ATG7: variants seen among roughly 807,000 people sequenced by gnomAD.
ATG7 encodes autophagy related 7.
ATG7 carries 70 observed loss-of-function variants against 82.4 expected under a neutral mutation model. The ratio of observed to expected loss-of-function variants is 0.85; its 90% confidence interval spans 0.70 to 1.04. ATG7 has a LOEUF of 1.04. Among genes scored for constraint, ATG7 ranks in the 50% least tolerant of loss-of-function variants. The pLI is 0.00. For synonymous variants in ATG7, 287 were observed against 313.0 expected, an observed-to-expected ratio of 0.92 and a Z score of 0.88; for missense variants, 792 against 864.3, an observed-to-expected ratio of 0.92 and a Z score of 1.05.
rs773902113 is a variant in ATG7 at position 11,333,086 on chromosome 3, T to G, written c.882T>G (p.Phe294Leu). 6.4e-7 allele frequency: 1 copy of G among 1,552,772 alleles called. No individual in the cohort carries two copies. The highest frequency in any genetic ancestry group is 2.4e-5 in the East Asian group (1 of 41,506). ...IFEVKLPEMA[F>L]SPDCPKAVGW... ...AAGTGAAGCTTCCAGAAATGGCATT[T>G]AGCCCAGGTAATTTGCCGGTCTTTG... Residue 294 changes from phenylalanine (F) to leucine (L), a missense_variant, in exon 11 of 21, where the codon TTT becomes TTG. Coordinates refer to ENST00000693202, the MANE Select transcript of ATG7 (RefSeq NM_001349232.2).
intron 20 of ATG7, among the ~76,000 whole-genome samples, chr3:11,489,092 G>C (rs553428088): frequency 2.0e-5 from 3 of 152,148 alleles, no homozygotes; most frequent in African/African-American, 7.2e-5. Flanking sequence ...CCTGTTATTG[G>C]TCTATTCAGA....
chr3:11,427,038 C>A, intron 20 of ATG7, 112 bp downstream of exon 20: 1 of 1,290,552 alleles, frequency 7.7e-7, no homozygotes, highest in Non-Finnish European at 1.0e-6. Flanking sequence ...TAACTTAGAG[C>A]AAATATCACT....
At chr3:11,498,998 G>A (rs2091098844) in intron 20 of ATG7, among the ~76,000 whole-genome samples, 1 of 152,182 alleles carries the variant, frequency 6.6e-6, no homozygotes, top group Admixed American at 6.5e-5. Flanking sequence ...TAGAGTCTCA[G>A]GAATTACTCC....
chr3:11,558,461 A>AC, downstream of ATG7: 88 of 568,468 alleles, frequency 1.5e-4, no homozygotes, highest in South Asian at 2.2e-4. Context: ...CCTTCCCCCC[A>AC]CCCCACCCCC....
rs915946270 is a variant in ATG7, at chr3:11,426,850, T to C, written c.2003T>C (p.Val668Ala). 6 of 1,611,828 alleles carry C rather than the reference T, an allele frequency of 3.7e-6. No homozygotes were observed. Among genetic ancestry groups the C allele is most frequent in the Non-Finnish European group, 5.1e-6 (6 of 1,179,020 alleles). ...GAAGGATTTAACTTCCTAGCCAAGG[T>C]GTTTAATTCTTCACATTCCTTCTTA... ...EREGFNFLAK[V>A]FNSSHSFLED... The change falls in exon 20 of 21, where the codon GTG becomes GCG. Residue 668 changes from valine to alanine, a missense_variant. Physicochemically the swap from Val to Ala is moderately conservative, Grantham distance 64. Transcript: ENST00000693202.
intron 9 of ATG7, among the ~76,000 whole-genome samples, chr3:11,316,102 C>G (rs1231308442): frequency 6.6e-6 from 1 of 152,030 alleles, no homozygotes. Context: ...ATTTTTATTC[C>G]CAGAACTACC....
intron 11 of ATG7, among the ~76,000 whole-genome samples, chr3:11,336,740 A>C (rs1198791267): frequency 1.3e-5 from 2 of 152,126 alleles, no homozygotes; most frequent in Non-Finnish European, 2.9e-5. Flanking sequence ...TGGCAAAATC[A>C]TAGCTCACTG....
rs141885609 is a variant in ATG7 at position 11,315,661 on chromosome 3, G to A, written c.678+168G>A. 6.8e-3 allele frequency among the ~76,000 whole-genome samples: 1,033 copies of A among 152,204 alleles called. 7 individuals carry two copies. Among genetic ancestry groups the A allele is most frequent in the Non-Finnish European group, 5.9e-3 (398 of 68,010 alleles). On this transcript the variant is annotated intron_variant, in intron 9 of 20. Transcript: ENST00000693202. ...ATCCTCTCCCACCCCTACAGTTATCGAATCAGCTCCTCTAGGTTTTTCTAG... is the reference window on the plus strand; with the variant it reads ...ATCCTCTCCCACCCCTACAGTTATCAAATCAGCTCCTCTAGGTTTTTCTAG...
intron 7 of ATG7, among the ~76,000 whole-genome samples, chr3:11,309,459 T>G (rs919939329): frequency 4.0e-5 from 6 of 150,058 alleles, no homozygotes; most frequent in Admixed American, 2.6e-4. Context: ...TGATTTTTTT[T>G]TTTTGTTTTT....
chr3:11,441,483 C>G (rs2083955900), intron 20 of ATG7, among the ~76,000 whole-genome samples: 1 of 151,804 alleles, frequency 6.6e-6, no homozygotes, highest in Admixed American at 6.6e-5. Flanking sequence ...ACCTCATGAT[C>G]CACCCACCTC....
chr3:11,485,600 A>C (rs1297707598), intron 20 of ATG7, among the ~76,000 whole-genome samples: 2 of 152,132 alleles, frequency 1.3e-5, no homozygotes, highest in Admixed American at 6.5e-5. Context: ...GGTGTTTTAG[A>C]CATGAAGTTC....
chr3:11,572,102 T>C, the ATG7 span, among the ~76,000 whole-genome samples: 2 of 152,038 alleles, frequency 1.3e-5, no homozygotes, highest in African/African-American at 4.8e-5. Context: ...AGTGAGACCC[T>C]GTCTCAAAAA....
At chr3:11,404,041 A>G (rs1445056649) in intron 19 of ATG7, among the ~76,000 whole-genome samples, 1 of 151,892 alleles carries the variant, frequency 6.6e-6, no homozygotes, top group East Asian at 1.9e-4. Context: ...CTACAATAGT[A>G]TAATCTCAAA....
At chr3:11,373,760 G>T (rs1559492414) in intron 18 of ATG7, among the ~76,000 whole-genome samples, 1 of 152,116 alleles carries the variant, frequency 6.6e-6, no homozygotes, top group Non-Finnish European at 1.5e-5. Context: ...ATTTTAGATT[G>T]CTCTGGGGTT....
intron 3 of ATG7, among the ~76,000 whole-genome samples, chr3:11,295,830 A>G (rs569253049): frequency 2.1e-5 from 3 of 144,118 alleles, no homozygotes; most frequent in Non-Finnish European, 4.5e-5. Flanking sequence ...CTTGTTGCCC[A>G]GGCTGGAGTG....
At chr3:11,474,861 T>G (rs1574878110) in intron 20 of ATG7, among the ~76,000 whole-genome samples, 1 of 151,278 alleles carries the variant, frequency 6.6e-6, no homozygotes, top group Non-Finnish European at 1.5e-5. Context: ...AGTCTAAGGA[T>G]GGGGTGGGAG....
chr3:11,574,019 G>C, the ATG7 span, among the ~76,000 whole-genome samples: 1 of 152,206 alleles, frequency 6.6e-6, no homozygotes, highest in Non-Finnish European at 1.5e-5. Flanking sequence ...TGGAATGCCA[G>C]AGGCCACCAG....
chr3:11,444,777 A>G (rs1156877346), intron 20 of ATG7, among the ~76,000 whole-genome samples: 1 of 152,222 alleles, frequency 6.6e-6, no homozygotes, highest in Non-Finnish European at 1.5e-5. Flanking sequence ...GTAAATAGAT[A>G]ATCTACAGAA....
Position 11,554,750 on chromosome 3 carries a change from C to T in ATG7, c.2080-61C>T, listed in dbSNP as rs1196820466. The T allele has an allele frequency of 3.1e-6, 5 of 1,597,710 alleles. No homozygotes were observed. The Admixed American group carries it at 5.1e-5, about 16-fold the overall frequency. Reference sequence around the variant, plus strand: ...CATGACTGCTGCGGTTTTGAAGCATCTGTGTGCCCCCCACCGGGCAGTGGG... The same window carrying T: ...CATGACTGCTGCGGTTTTGAAGCATTTGTGTGCCCCCCACCGGGCAGTGGG... On this transcript the variant is annotated intron_variant, in intron 20 of 20. Coordinates refer to ENST00000693202, the MANE Select transcript of ATG7 (RefSeq NM_001349232.2).
Sources: gnomAD v4.1 joint callset for allele counts (sites outside exome capture counted in the v4.1 genomes callset) on GRCh38, gnomAD v4.1.1 for gene constraint, MANE v1.5 for transcripts, NCBI Gene and HGNC (gene_info 2026-07-23, HGNC 2026-07-21) for gene names.